SLC18A2: variants seen among roughly 807,000 people sequenced by gnomAD.
The protein encoded by SLC18A2 is synaptic vesicular amine transporter.
SLC18A2 carries 33 observed loss-of-function variants against 59.2 expected under a neutral mutation model. The ratio of observed to expected loss-of-function variants is 0.56; its 90% CI spans 0.42 to 0.75. The LOEUF (loss-of-function observed/expected upper bound fraction) is 0.75. SLC18A2 is among the 30% of genes least tolerant of loss of function. The pLI, the probability that SLC18A2 is intolerant of heterozygous loss-of-function variation, is 0.00. For missense variants in SLC18A2, 569 were observed against 668.6 expected, an observed-to-expected ratio of 0.85 and a Z score of 1.64; for synonymous variants, 228 against 253.5, an observed-to-expected ratio of 0.90 and a Z score of 0.95.
chr10:117,248,825 A>T (rs1466841211), intron 3 of SLC18A2, among the ~76,000 whole-genome samples: 1 of 152,206 alleles, frequency 6.6e-6, no homozygotes, highest in African/African-American at 2.4e-5. Flanking sequence ...ACACCAAACG[A>T]CTGGCTTGGG....
At chr10:117,262,328 G>A (rs1260258396) in intron 10 of SLC18A2, among the ~76,000 whole-genome samples, 2 of 152,242 alleles carry the variant, frequency 1.3e-5, no homozygotes, top group Non-Finnish European at 2.9e-5. Flanking sequence ...ATGTTTCTTA[G>A]GCAGAAAATT....
At chr10:117,241,888 T>C (rs1340529580) in intron 2 of SLC18A2, 74 bp downstream of exon 2, 3 of 1,406,438 alleles carry the variant, frequency 2.1e-6, no homozygotes, top group African/African-American at 1.5e-5. Context: ...CACTTACCCC[T>C]GCGCGGTCCC....
At chr10:117,260,816 C>T (rs1449822550) in intron 10 of SLC18A2, among the ~76,000 whole-genome samples, 1 of 152,148 alleles carries the variant, frequency 6.6e-6, no homozygotes, top group Non-Finnish European at 1.5e-5. Flanking sequence ...TCACAGAACA[C>T]AGTAGAAGAG....
intron 3 of SLC18A2, among the ~76,000 whole-genome samples, chr10:117,247,856 G>T (rs1315140647): frequency 6.6e-6 from 1 of 152,156 alleles, no homozygotes; most frequent in Non-Finnish European, 1.5e-5. Context: ...GACCCACTCT[G>T]AATCGAGACA....
intron 15 of SLC18A2, 61 bp downstream of exon 15, chr10:117,270,524 A>G: frequency 6.3e-7 from 1 of 1,582,414 alleles, no homozygotes. Context: ...CCTTCCTGAT[A>G]GCTTCCTCAT....
chr10:117,243,888 C>T, intron 2 of SLC18A2, 83 bp from the exon 3 acceptor site: 1 of 1,156,184 alleles, frequency 8.6e-7, no homozygotes, highest in Non-Finnish European at 1.2e-6. Context: ...TCCCTGCCGA[C>T]ACAACCATAG....
rs1008240285 is a variant in SLC18A2, at chr10:117,277,900, G to A, written c.*634G>A. The A allele has an allele frequency of 6.6e-6, 1 of 152,186 alleles. No homozygotes were observed. The highest frequency in any genetic ancestry group is 6.5e-5 in the Admixed American group (1 of 15,278). 9.4% of individuals were successfully genotyped at this position (152,186 alleles called of 1,614,324 possible). A position where few individuals can be genotyped will look rare whatever the true frequency, so the allele number is the denominator to read the frequency against. ...TGTAATCACCTACCTAGAGAGAGTT[G>A]TAAATTATATGTTAACATGTTATCT... On this transcript the variant is annotated 3_prime_UTR_variant, in exon 16 of 16. Transcript: ENST00000644641.
intron 2 of SLC18A2, among the ~76,000 whole-genome samples, chr10:117,242,243 A>C (rs1844064492): frequency 6.6e-6 from 1 of 152,250 alleles, no homozygotes; most frequent in Non-Finnish European, 1.5e-5. Flanking sequence ...CCCTTACTCC[A>C]AAAACAAGAC....
chr10:117,264,300 G>A lies in SLC18A2; in HGVS notation c.992-2433G>A, dbSNP rs146458262. Among the ~76,000 whole-genome samples the A allele has an allele frequency of 5.7e-4, 87 of 152,326 alleles. 1 individual carries two copies. The South Asian group carries it at 0.014, about 24-fold the overall frequency. ...CCCAGCCAACACTTTTCTCAGAGTC[G>A]GGAGAAGCCCTAGAAAGAATTCTTG... On this transcript the variant is annotated intron_variant, in intron 10 of 15. Transcript: ENST00000644641.
intron 9 of SLC18A2, among the ~76,000 whole-genome samples, chr10:117,257,217 T>C (rs923721459): frequency 2.0e-5 from 3 of 152,076 alleles, no homozygotes; most frequent in African/African-American, 7.3e-5. Context: ...TCCAGATAGT[T>C]CTATATTTAC....
chr10:117,267,305 C>T, intron 12 of SLC18A2: 1 of 485,052 alleles, frequency 2.1e-6, no homozygotes, highest in Non-Finnish European at 3.6e-6. Context: ...GTGTCTTAAA[C>T]ACTTCAGGAC....
At chr10:117,268,045 C>A (rs1322264874) in intron 13 of SLC18A2, 1 of 277,934 alleles carries the variant, frequency 3.6e-6, no homozygotes, top group Admixed American at 4.4e-5. Context: ...TTGTGGACTC[C>A]TCCCTATGAG....
Position 117,269,565 on chromosome 10 carries a change from C to T in SLC18A2, c.1187-506C>T, listed in dbSNP as rs1053811232. 7.9e-5 allele frequency among the ~76,000 whole-genome samples: 12 copies of T among 152,144 alleles called. No individual in the cohort carries two copies. Among genetic ancestry groups the T allele is most frequent in the African/African-American group, 2.2e-4 (9 of 41,412 alleles). Reference sequence around the variant, plus strand: ...TGGCTCAGTGAGTGTGGTCAAGCCTCGCCTCTCTGAGTATTGGTTTCCTCA... The same window carrying T: ...TGGCTCAGTGAGTGTGGTCAAGCCTTGCCTCTCTGAGTATTGGTTTCCTCA... On this transcript the variant is annotated intron_variant, in intron 13 of 15. Coordinates refer to ENST00000644641, the MANE Select transcript of SLC18A2 (RefSeq NM_003054.6). The surrounding 1 kb of genome is among the most constrained non-coding windows in gnomAD (Gnocchi z 5.1).
chr10:117,270,481 T>A lies in SLC18A2; in HGVS notation c.1440+18T>A. On this transcript the variant is annotated intron_variant, in intron 15 of 15. Coordinates refer to ENST00000644641, the MANE Select transcript of SLC18A2 (RefSeq NM_003054.6). ...AAAAAATGGTAAGAAAAATTTAGGA[T>A]GCAGTGAGCATTTCTTGATAATTTT... 1 of 1,612,792 alleles carries A rather than the reference T, an allele frequency of 6.2e-7. No individual in the cohort carries two copies. Among genetic ancestry groups the A allele is most frequent in the Non-Finnish European group, 8.5e-7 (1 of 1,179,722 alleles).
chr10:117,247,434 A>G (rs2283136), intron 3 of SLC18A2, among the ~76,000 whole-genome samples: 11,786 of 152,236 alleles, frequency 0.077, 653 homozygotes, highest in Admixed American at 0.16. Context: ...CTGTAGCCAC[A>G]TGTTCCGACT....
intron 10 of SLC18A2, among the ~76,000 whole-genome samples, chr10:117,260,763 G>A (rs374827104): frequency 5.3e-5 from 8 of 152,286 alleles, no homozygotes; most frequent in African/African-American, 9.6e-5. Context: ...CAGACCCCAA[G>A]ATAAAGATTT....
intron 10 of SLC18A2, among the ~76,000 whole-genome samples, chr10:117,265,210 G>A (rs1377045400): frequency 2.0e-5 from 3 of 152,214 alleles, no homozygotes; most frequent in African/African-American, 7.2e-5. Flanking sequence ...ATCTGGTTTT[G>A]GATTTAGCTC....
intron 9 of SLC18A2, among the ~76,000 whole-genome samples, chr10:117,257,154 G>A (rs910408053): frequency 2.6e-5 from 4 of 152,204 alleles, no homozygotes; most frequent in Non-Finnish European, 4.4e-5. Context: ...GGTTCCAAGA[G>A]GCACAACACG....
intron 9 of SLC18A2, among the ~76,000 whole-genome samples, chr10:117,256,568 C>T (rs562797488): frequency 2.0e-3 from 300 of 152,336 alleles, no homozygotes; most frequent in African/African-American, 7.0e-3. Flanking sequence ...CAGCCTTTGT[C>T]AACCCTCAGG....
Sources: gnomAD v4.1 joint callset for allele counts (sites outside exome capture counted in the v4.1 genomes callset) on GRCh38, gnomAD v4.1.1 for gene constraint, Gnocchi (gnomAD v3.1) non-coding constraint, MANE v1.5 for transcripts, NCBI Gene and HGNC (gene_info 2026-07-23, HGNC 2026-07-21) for gene names.